Variants in ATXN7L1 observed in about 807,000 individuals in gnomAD.
ATXN7L1 encodes the protein ataxin-7-like protein 1.
A neutral mutation model predicts 70.8 loss-of-function variants in ATXN7L1; 15 were observed. The observed-to-expected ratio is 0.21, with a 90% CI of 0.14 to 0.33. The LOEUF is 0.33. Ranked by LOEUF, ATXN7L1 falls within the 10% of genes least tolerant of loss-of-function variation. ATXN7L1 has a pLI of 1.00. For synonymous variants in ATXN7L1, 440 were observed against 445.1 expected, an observed-to-expected ratio of 0.99 and a Z score of 0.14; for missense variants, 975 against 1,097.1, an observed-to-expected ratio of 0.89 and a Z score of 1.57.
chr7:105,630,418 G>A (rs1796414046), intron 7 of ATXN7L1, among the ~76,000 whole-genome samples: 1 of 152,148 alleles, frequency 6.6e-6, no homozygotes, highest in African/African-American at 2.4e-5. Context: ...CTCTCATTTT[G>A]CTTGCTAATG....
intron 8 of ATXN7L1, 81 bp from the exon 9 acceptor site, chr7:105,620,402 TA>T: frequency 1.5e-6 from 2 of 1,374,988 alleles, no homozygotes; most frequent in South Asian, 1.5e-5. Flanking sequence ...AACATTTACA[TA>T]AAAACATACA....
intron 7 of ATXN7L1, among the ~76,000 whole-genome samples, chr7:105,637,918 C>T (rs958762442): frequency 4.6e-5 from 7 of 152,178 alleles, no homozygotes; most frequent in Admixed American, 2.0e-4. Flanking sequence ...GAGGTGCTAA[C>T]GACCTATTCA....
At chr7:105,613,007 C>T (rs1289845210) in intron 10 of ATXN7L1, among the ~76,000 whole-genome samples, 1 of 152,154 alleles carries the variant, frequency 6.6e-6, no homozygotes, top group Non-Finnish European at 1.5e-5. Flanking sequence ...ACCTGGCTCC[C>T]CAGAGAATCC....
At chr7:105,813,500 G>T (rs985197418) in intron 2 of ATXN7L1, among the ~76,000 whole-genome samples, 8 of 152,062 alleles carry the variant, frequency 5.3e-5, no homozygotes, top group African/African-American at 1.9e-4. Flanking sequence ...ACCACGCCCA[G>T]CTAATTTTGT....
rs1377484611 is a variant in ATXN7L1, at chr7:105,614,211, C to T, written c.2123G>A (p.Ser708Asn). ...GGGCTCCAGTTTGGCACTGAGTGGGCTCACCCCATTGTTTGAGTTGTGCAC... is the reference window on the plus strand; with the variant it reads ...GGGCTCCAGTTTGGCACTGAGTGGGTTCACCCCATTGTTTGAGTTGTGCAC... ...LSVHNSNNGV[S>N]PLSAKLEPSG... Residue 708 changes from serine (S) to asparagine (N), a missense_variant, in exon 10 of 12, where the codon AGC becomes AAC. By Grantham distance (46) the Ser-to-Asn change is conservative. Around this residue, in one of 5 missense-constraint regions of ATXN7L1, gnomAD observed 635 missense variants for 699.4 expected, o/e 0.91. Coordinates refer to ENST00000419735, the MANE Select transcript of ATXN7L1 (RefSeq NM_020725.2). This position sits in a 1 kb window ranked among gnomAD's most constrained non-coding sequence, Gnocchi z 4.3. 5.2e-6 allele frequency: 8 copies of T among 1,551,604 alleles called. No individual in the cohort carries two copies. The highest frequency in any genetic ancestry group is 2.4e-5 in the East Asian group (1 of 40,926).
At chr7:105,710,721 TG>T (rs1793802015) in intron 3 of ATXN7L1, among the ~76,000 whole-genome samples, 1 of 152,186 alleles carries the variant, frequency 6.6e-6, no homozygotes, top group African/African-American at 2.4e-5. Context: ...ACCATCTTTT[TG>T]GTTTAAACAC....
At chr7:105,823,851 C>A (rs1205514493) in intron 2 of ATXN7L1, among the ~76,000 whole-genome samples, 3 of 152,170 alleles carry the variant, frequency 2.0e-5, no homozygotes, top group Non-Finnish European at 4.4e-5. Flanking sequence ...GTATATCCGC[C>A]TGGGATATAA....
At chr7:105,690,624 T>C (rs1790659638) in intron 3 of ATXN7L1, among the ~76,000 whole-genome samples, 1 of 152,212 alleles carries the variant, frequency 6.6e-6, no homozygotes, top group African/African-American at 2.4e-5. Context: ...CACAATGAAG[T>C]GTCTCATTTA....
chr7:105,640,351 T>A (rs1562937999), intron 5 of ATXN7L1, among the ~76,000 whole-genome samples: 2 of 151,704 alleles, frequency 1.3e-5, no homozygotes, highest in Non-Finnish European at 2.9e-5. Context: ...GGATGAAGGA[T>A]GTCTGTGCGG....
At chr7:105,790,136 C>T (rs668647) in intron 2 of ATXN7L1, among the ~76,000 whole-genome samples, 36,480 of 151,972 alleles carry the variant, frequency 0.24, 4,540 homozygotes, top group East Asian at 0.45. Flanking sequence ...TAAGTGCTTG[C>T]CTTGGGTTGG....
At chr7:105,665,003 C>T in intron 4 of ATXN7L1, 63 bp downstream of exon 4, 1 of 1,437,182 alleles carries the variant, frequency 7.0e-7, no homozygotes, top group Non-Finnish European at 9.5e-7. Flanking sequence ...AATACTATTT[C>T]CCCATGGTGA....
At chr7:105,687,005 C>A (rs1373852165) in intron 3 of ATXN7L1, among the ~76,000 whole-genome samples, 1 of 152,188 alleles carries the variant, frequency 6.6e-6, no homozygotes, top group African/African-American at 2.4e-5. Flanking sequence ...ACTCAACCTA[C>A]CCCTAATAAG....
intron 3 of ATXN7L1, among the ~76,000 whole-genome samples, chr7:105,780,998 G>T (rs1325414341): frequency 6.6e-6 from 1 of 152,156 alleles, no homozygotes; most frequent in Non-Finnish European, 1.5e-5. Flanking sequence ...CCAACTGGGG[G>T]CGATTTTGCA....
chr7:105,628,493 T>G (rs1048078634), intron 7 of ATXN7L1, among the ~76,000 whole-genome samples: 2 of 152,030 alleles, frequency 1.3e-5, no homozygotes, highest in African/African-American at 2.4e-5. Context: ...TTATAATACA[T>G]AAATAAAATT....
intron 3 of ATXN7L1, among the ~76,000 whole-genome samples, chr7:105,708,589 GGTTAAA>G (rs1244361659): frequency 6.6e-6 from 1 of 152,172 alleles, no homozygotes; most frequent in East Asian, 1.9e-4. Context: ...CTGTGAAATG[GGTTAAA>G]AATGTTGGCT....
At chr7:105,807,628 A>G (rs981124874) in intron 2 of ATXN7L1, among the ~76,000 whole-genome samples, 2 of 152,222 alleles carry the variant, frequency 1.3e-5, no homozygotes, top group Non-Finnish European at 2.9e-5. Flanking sequence ...CTTATAAAAT[A>G]CTTATGCACT....
chr7:105,718,253 G>A (rs505241), intron 3 of ATXN7L1, among the ~76,000 whole-genome samples: 113,289 of 152,130 alleles, frequency 0.74, 43,212 homozygotes, highest in East Asian at 1. Context: ...CCTGAGTGGG[G>A]AAGAAAGTGC....
intron 2 of ATXN7L1, among the ~76,000 whole-genome samples, chr7:105,818,306 G>A (rs569649099): frequency 3.3e-5 from 5 of 152,242 alleles, no homozygotes; most frequent in Non-Finnish European, 7.4e-5. Flanking sequence ...AGTGGCTGGG[G>A]CTACAGGCAC....
intron 11 of ATXN7L1, among the ~76,000 whole-genome samples, chr7:105,609,533 C>T (rs1262463684): frequency 6.6e-6 from 1 of 151,664 alleles, no homozygotes; most frequent in Non-Finnish European, 1.5e-5. Context: ...GGTGCAATCA[C>T]AGCTCACTGC....
Sources: allele counts gnomAD v4.1 joint callset (sites outside exome capture counted in the v4.1 genomes callset), GRCh38; gene constraint gnomAD v4.1.1; regional missense constraint gnomAD v4.1.1; non-coding constraint Gnocchi (gnomAD v3.1); transcripts MANE v1.5; gene names NCBI Gene and HGNC (gene_info 2026-07-23, HGNC 2026-07-21).